NAT1: variants seen among roughly 807,000 people sequenced by gnomAD.
NAT1 encodes the protein N-acetyltransferase 1, also known as arylamine N-acetyltransferase 1.
For synonymous variants in NAT1, 144 were observed against 122.6 expected (o/e 1.17, Z -1.16); for missense variants, 400 against 339.2 (o/e 1.18, Z -1.41).
intron 2 of NAT1, among the ~76,000 whole-genome samples, chr8:18,174,175 A>G (rs752369672): frequency 1.3e-5 from 2 of 152,146 alleles, no homozygotes; most frequent in Middle Eastern, 3.2e-3. Flanking sequence ...GAGCAAGTGT[A>G]TGACTAGATT....
At chr8:18,178,895 T>C (rs11996662) in intron 2 of NAT1, among the ~76,000 whole-genome samples, 40,908 of 151,846 alleles carry the variant, frequency 0.27, 6,146 homozygotes, top group African/African-American at 0.39. Context: ...CTCCTCTAGA[T>C]TTGTCTTTTC....
At chr8:18,204,359 AT>A (rs1318112272) in intron 2 of NAT1, among the ~76,000 whole-genome samples, 1 of 152,172 alleles carries the variant, frequency 6.6e-6, no homozygotes, top group Non-Finnish European at 1.5e-5. Flanking sequence ...GGGACCCAGG[AT>A]GAGTAGGGAA....
intron 2 of NAT1, among the ~76,000 whole-genome samples, chr8:18,177,380 C>A (rs1802333015): frequency 6.6e-6 from 1 of 152,040 alleles, no homozygotes; most frequent in African/African-American, 2.4e-5. Flanking sequence ...GAGCATTAGT[C>A]AGACTTATCC....
chr8:18,186,011 A>G (rs1331659720), intron 2 of NAT1, among the ~76,000 whole-genome samples: 2 of 152,200 alleles, frequency 1.3e-5, no homozygotes, highest in Non-Finnish European at 2.9e-5. Context: ...CAAAGCACAC[A>G]GTACGTATGA....
intron 2 of NAT1, among the ~76,000 whole-genome samples, chr8:18,194,064 GC>G (rs1803131823): frequency 6.6e-6 from 1 of 152,128 alleles, no homozygotes; most frequent in South Asian, 2.1e-4. Flanking sequence ...TTGATGTGTA[GC>G]CCCCTGGAGC....
intron 2 of NAT1, among the ~76,000 whole-genome samples, chr8:18,171,520 T>C (rs1802097164): frequency 6.6e-6 from 1 of 152,218 alleles, no homozygotes; most frequent in Admixed American, 6.5e-5. Context: ...TTTCTGAATC[T>C]GTTAACCTTT....
chr8:18,194,549 G>C (rs998755409), intron 2 of NAT1, among the ~76,000 whole-genome samples: 1 of 152,064 alleles, frequency 6.6e-6, no homozygotes, highest in Non-Finnish European at 1.5e-5. Context: ...GGCTGGGCAC[G>C]GTGGCTCACA....
intron 2 of NAT1, among the ~76,000 whole-genome samples, chr8:18,180,723 T>A (rs1444568542): frequency 5.3e-5 from 8 of 152,212 alleles, no homozygotes. Context: ...CCTTATTTGG[T>A]CATTATACAA....
intron 1 of NAT1, among the ~76,000 whole-genome samples, chr8:18,216,214 G>C (rs1804647264): frequency 6.6e-6 from 1 of 152,118 alleles, no homozygotes; most frequent in South Asian, 2.1e-4. Flanking sequence ...GTCTAATTTT[G>C]AGTGACCTGG....
At chr8:18,188,761 C>G (rs576488069) in intron 2 of NAT1, among the ~76,000 whole-genome samples, 1 of 151,738 alleles carries the variant, frequency 6.6e-6, no homozygotes, top group East Asian at 1.9e-4. Flanking sequence ...ACCTGGGAGG[C>G]TGAGGCGGGT....
intron 2 of NAT1, among the ~76,000 whole-genome samples, chr8:18,191,029 GTGCTTC>G (rs1387302213): frequency 1.3e-5 from 2 of 151,008 alleles, no homozygotes; most frequent in Non-Finnish European, 2.9e-5. Context: ...TCACACCACT[GTGCTTC>G]TGCTGAGTGA....
intron 2 of NAT1, among the ~76,000 whole-genome samples, chr8:18,220,512 C>T (rs2117420724): frequency 1.3e-5 from 2 of 152,078 alleles, no homozygotes. Flanking sequence ...TCTATGATGG[C>T]AGGTTTAAAA....
At chr8:18,180,993 T>C (rs1448793539) in intron 2 of NAT1, among the ~76,000 whole-genome samples, 1 of 152,156 alleles carries the variant, frequency 6.6e-6, no homozygotes, top group Non-Finnish European at 1.5e-5. Context: ...TCAGGGTCTT[T>C]TGTAGTTCTA....
chr8:18,216,758 G>A (rs1804712471), intron 1 of NAT1: 1 of 586,152 alleles, frequency 1.7e-6, no homozygotes, highest in Non-Finnish European at 2.9e-6. Context: ...TTTCGTAAGA[G>A]GCTAAGCAGT....
rs150140160 is a variant in NAT1, at chr8:18,200,191, G to A, written n.93-9590G>A. On this transcript the variant is annotated intron_variant and non_coding_transcript_variant, in intron 2 of 4. Transcript: ENST00000517441. ...TTTGACCCAGCAATCCTATTATTGG[G>A]TGTATACCCAAAGGAATATAAATTA... Among the ~76,000 whole-genome samples the A allele has an allele frequency of 3.4e-3, 515 of 152,224 alleles. 3 individuals are homozygous for A. Among genetic ancestry groups the A allele is most frequent in the African/African-American group, 0.012 (498 of 41,540 alleles).
upstream of NAT1, among the ~76,000 whole-genome samples, chr8:18,205,233 C>T (rs1803657854): frequency 1.3e-5 from 2 of 152,130 alleles, no homozygotes; most frequent in South Asian, 4.1e-4. Context: ...TAGCAGGTGC[C>T]AGAGTGCCTG....
At chr8:18,174,224 C>G (rs1352502415) in intron 2 of NAT1, among the ~76,000 whole-genome samples, 1 of 152,160 alleles carries the variant, frequency 6.6e-6, no homozygotes, top group Non-Finnish European at 1.5e-5. Flanking sequence ...GAGGGAAAAG[C>G]TGTGAGGCAA....
chr8:18,188,825 T>C (rs961215553), intron 2 of NAT1, among the ~76,000 whole-genome samples: 2 of 150,800 alleles, frequency 1.3e-5, no homozygotes, highest in Non-Finnish European at 3.0e-5. Flanking sequence ...TGAAACCCCG[T>C]CTCTACTAAA....
At chr8:18,194,748 G>A (rs1266201441) in intron 2 of NAT1, among the ~76,000 whole-genome samples, 2 of 151,956 alleles carry the variant, frequency 1.3e-5, no homozygotes, top group African/African-American at 4.8e-5. Context: ...TGAACCCTGG[G>A]GGTGGAGGTT....
Sources: allele counts gnomAD v4.1 joint callset (sites outside exome capture counted in the v4.1 genomes callset), GRCh38; gene constraint gnomAD v4.1.1; transcripts MANE v1.5; gene names NCBI Gene and HGNC (gene_info 2026-07-23, HGNC 2026-07-21).